The following PHTF2 variants were observed in gnomAD, a reference collection of about 807,000 sequenced individuals.
PHTF2 encodes the protein protein PHTF2.
A neutral mutation model predicts 101.2 loss-of-function variants in PHTF2; 60 were observed. The observed-to-expected ratio is 0.59, with a 90% CI of 0.48 to 0.73. The LOEUF (loss-of-function observed/expected upper bound fraction) is 0.73. Ranked by LOEUF, PHTF2 falls within the 30% of genes least tolerant of loss-of-function variation. The pLI, the probability that PHTF2 is intolerant of heterozygous loss-of-function variation, is 0.00. For missense variants in PHTF2, 747 were observed against 908.7 expected (o/e 0.82, Z 2.29); for synonymous variants, 311 against 307.3 (o/e 1.01, Z -0.13).
intron 9 of PHTF2, among the ~76,000 whole-genome samples, chr7:77,919,320 G>T (rs1042649605): frequency 1.3e-5 from 2 of 151,966 alleles, no homozygotes; most frequent in Admixed American, 6.6e-5. Context: ...AAAACTTTTG[G>T]TTTTTGACCT....
At chr7:77,952,051 C>T (rs989103678) in intron 18 of PHTF2, among the ~76,000 whole-genome samples, 1 of 151,892 alleles carries the variant, frequency 6.6e-6, no homozygotes, top group Non-Finnish European at 1.5e-5. Flanking sequence ...TTTTGTATTT[C>T]TCAGAGAAGT....
At chr7:77,948,212 CA>C in intron 16 of PHTF2, among the ~76,000 whole-genome samples, 1 of 152,096 alleles carries the variant, frequency 6.6e-6, no homozygotes, top group Admixed American at 6.5e-5. Context: ...TTTAAAATTA[CA>C]GAAAGACTTT....
At chr7:77,918,210 C>G (rs1048425359) in intron 9 of PHTF2, among the ~76,000 whole-genome samples, 2 of 152,138 alleles carry the variant, frequency 1.3e-5, no homozygotes, top group Non-Finnish European at 2.9e-5. Context: ...CCTCACCCCC[C>G]TACCACCACC....
Position 77,840,310 on chromosome 7 carries a change from TA to T in PHTF2, c.45+11del, listed in dbSNP as rs1386028798. The T allele has an allele frequency of 1.9e-6, 3 of 1,572,572 alleles. No homozygotes were observed. The African/African-American group carries it at 4.0e-5, about 21-fold the overall frequency. ...CTGGTATCAAAAGAAGGTAAGTTGA[TA>T]GTCAAAACTTTTAGCTTTCTAAATG... On this transcript the variant is annotated intron_variant, in intron 2 of 19. Transcript: ENST00000416283.
intron 12 of PHTF2, among the ~76,000 whole-genome samples, chr7:77,932,282 G>A (rs1009517648): frequency 1.2e-4 from 18 of 152,186 alleles, no homozygotes; most frequent in African/African-American, 2.9e-4. Context: ...AGAAAATGTT[G>A]ACTGGTGGAA....
intron 11 of PHTF2, among the ~76,000 whole-genome samples, chr7:77,924,673 G>T (rs974427330): frequency 1.3e-5 from 2 of 152,170 alleles, no homozygotes; most frequent in African/African-American, 4.8e-5. Flanking sequence ...AATGGGTCAG[G>T]AACCTAGCCA....
intron 18 of PHTF2, among the ~76,000 whole-genome samples, chr7:77,952,938 C>G (rs997722016): frequency 6.6e-6 from 1 of 152,124 alleles, no homozygotes; most frequent in Non-Finnish European, 1.5e-5. Flanking sequence ...AGATCCTTGT[C>G]TCTCACTTAT....
chr7:77,954,747 A>G (rs1409477363), intron 19 of PHTF2, 111 bp from the exon 19 acceptor site: 3 of 613,038 alleles, frequency 4.9e-6, no homozygotes, highest in Non-Finnish European at 8.6e-6. Flanking sequence ...AAATATTAGA[A>G]ACTGCACTTG....
Position 77,813,853 on chromosome 7 carries a change from G to C in PHTF2, c.-36+14882G>C, listed in dbSNP as rs545997437. Among the ~76,000 whole-genome samples, 178 of 152,226 alleles carry C rather than the reference G, an allele frequency of 1.2e-3. 1 individual carries two copies. The highest frequency in any genetic ancestry group is 4.2e-3 in the African/African-American group (173 of 41,548). ...CTGTTAAATTGTATTGCATTCTCCA[G>C]TTTCTAGGTGGTTTAGACCAGTTGG... On this transcript the variant is annotated intron_variant, in intron 1 of 19. Coordinates refer to ENST00000416283, the Ensembl canonical transcript of PHTF2.
In PHTF2 at chr7:77,921,861, T is replaced by C. The variant is rs142440650; in HGVS notation, c.964-762T>C. On this transcript the variant is annotated intron_variant, in intron 10 of 19. Transcript: ENST00000416283. Reference sequence around the variant, plus strand: ...TAGAATGTTGTCTGACGTGCGCACATGCAGTTGCTATTTACTTCCTCTTAT... The same window carrying C: ...TAGAATGTTGTCTGACGTGCGCACACGCAGTTGCTATTTACTTCCTCTTAT... 6.2e-4 allele frequency among the ~76,000 whole-genome samples: 94 copies of C among 152,314 alleles called. 1 individual carries two copies. The highest frequency in any genetic ancestry group is 2.2e-3 in the African/African-American group (92 of 41,570).
chr7:77,800,540 G>A (rs1194760229), intron 1 of PHTF2, among the ~76,000 whole-genome samples: 1 of 152,180 alleles, frequency 6.6e-6, no homozygotes, highest in African/African-American at 2.4e-5. Flanking sequence ...TGCATAGATA[G>A]TCAAGCCTCC....
chr7:77,869,333 T>TA (rs1446367610), intron 3 of PHTF2, among the ~76,000 whole-genome samples: 1 of 152,196 alleles, frequency 6.6e-6, no homozygotes, highest in Non-Finnish European at 1.5e-5. Flanking sequence ...AAATTATTGT[T>TA]ACCCTCCTGT....
chr7:77,904,006 T>C (rs10230876), intron 7 of PHTF2, among the ~76,000 whole-genome samples: 4,118 of 152,316 alleles, frequency 0.027, 191 homozygotes, highest in African/African-American at 0.093. Context: ...TCTGCATGTC[T>C]TGGTTGCCTA....
intron 12 of PHTF2, among the ~76,000 whole-genome samples, chr7:77,936,407 T>A (rs1805133079): frequency 6.6e-6 from 1 of 152,142 alleles, no homozygotes; most frequent in Admixed American, 6.5e-5. Flanking sequence ...CCAGACACCG[T>A]GGCTCACGCC....
At chr7:77,851,163 G>A (rs916841498) in intron 2 of PHTF2, among the ~76,000 whole-genome samples, 5 of 152,178 alleles carry the variant, frequency 3.3e-5, no homozygotes, top group African/African-American at 9.7e-5. Context: ...CTACTTTTCA[G>A]AATAGTTTGA....
In PHTF2 at chr7:77,953,873, C is replaced by T. The variant is rs756901010; in HGVS notation, c.2316C>T (p.Asp772=). Residue 772 remains aspartate (D), a synonymous_variant, in exon 19 of 20, where the codon GAC becomes GAT. Coordinates refer to ENST00000416283, the Ensembl canonical transcript of PHTF2. The stretch of plus-strand genomic sequence containing the variant: ...CAGCTGTTTCTGGTGTTATCAGTGA[C>T]TTGCTTGGATTTAATTTAAAGGTAA... 3 of 1,613,340 alleles carry T rather than the reference C, an allele frequency of 1.9e-6. No individual in the cohort carries two copies. The South Asian group carries it at 3.3e-5, about 18-fold the overall frequency.
In PHTF2 at chr7:77,840,211, T is replaced by C. The variant is rs202188858; in HGVS notation, c.-35-10T>C. The C allele has an allele frequency of 3.5e-6, 5 of 1,441,468 alleles. No individual in the cohort carries two copies. In the Admixed American group the frequency reaches 6.7e-5, roughly 19 times the overall value. 89.3% of individuals were successfully genotyped at this position (1,441,468 alleles called of 1,614,324 possible). A position where few individuals can be genotyped will look rare whatever the true frequency, so the allele number is the denominator to read the frequency against. On this transcript the variant is annotated splice_polypyrimidine_tract_variant and intron_variant, in intron 1 of 19. Coordinates refer to ENST00000416283, the Ensembl canonical transcript of PHTF2. ...ATAAAGTCATTTGTATGTTTTTCTC[T>C]CTTGCACAGCCTAAAATGACCAATG...
chr7:77,877,573 TAC>T (rs776096066), intron 3 of PHTF2, among the ~76,000 whole-genome samples: 1 of 152,254 alleles, frequency 6.6e-6, no homozygotes, highest in Non-Finnish European at 1.5e-5. Flanking sequence ...TACTGCCATG[TAC>T]CAGCAAGTTG....
At chr7:77,954,920 G>A (rs1363629271) in exon 20 of PHTF2, 6 of 1,165,192 alleles carry the variant, frequency 5.1e-6, no homozygotes, top group Non-Finnish European at 7.6e-6. Flanking sequence ...TCCAGAATAA[G>A]AGTACTGACT....
Sources: gnomAD v4.1 joint callset for allele counts (sites outside exome capture counted in the v4.1 genomes callset) on GRCh38, gnomAD v4.1.1 for gene constraint, MANE v1.5 for transcripts, NCBI Gene and HGNC (gene_info 2026-07-23, HGNC 2026-07-21) for gene names.